Variants in EPS15L1 observed in about 807,000 individuals in gnomAD.
EPS15L1 encodes epidermal growth factor receptor substrate 15-like 1.
Under a neutral mutation model 117.1 loss-of-function variants are expected in EPS15L1, and 43 were observed. The ratio of observed to expected loss-of-function variants is 0.37; its 90% CI spans 0.29 to 0.47. EPS15L1 has a LOEUF of 0.47. Among genes scored for constraint, EPS15L1 ranks in the 20% least tolerant of loss-of-function variants. The probability of loss-of-function intolerance (pLI) is 0.99; values close to 1 mark genes in which losing one functional copy is unlikely to be tolerated. For missense variants in EPS15L1, 981 were observed against 1,164.0 expected, an observed-to-expected ratio of 0.84 and a Z score of 2.29; for synonymous variants, 459 against 470.5, an observed-to-expected ratio of 0.98 and a Z score of 0.32.
At chr19:16,449,187 T>C (rs966302073) in intron 1 of EPS15L1, among the ~76,000 whole-genome samples, 1 of 150,962 alleles carries the variant, frequency 6.6e-6, no homozygotes, top group Non-Finnish European at 1.5e-5. Flanking sequence ...AGCAGGAGGA[T>C]TGCTTGATCC....
At chr19:16,428,678 T>C in intron 8 of EPS15L1, 24 bp downstream of exon 8, 1 of 1,601,604 alleles carries the variant, frequency 6.2e-7, no homozygotes. Context: ...CTGGGCTGGG[T>C]GGGGAGGAAA....
chr19:16,367,369 A>G lies in EPS15L1; in HGVS notation c.2381-5385T>C, dbSNP rs71336715. On this transcript the variant is annotated intron_variant, in intron 22 of 23. Transcript: ENST00000455140. Reference sequence around the variant, plus strand: ...CAAGGGATACAAGACTGAAGAAAACACAAAATAGAACTTATTTTCAAACCA... The same window carrying G: ...CAAGGGATACAAGACTGAAGAAAACGCAAAATAGAACTTATTTTCAAACCA... Among the ~76,000 whole-genome samples the G allele has an allele frequency of 3.6e-4, 55 of 152,094 alleles. No individual in the cohort carries two copies. The South Asian group carries it at 3.9e-3, about 11-fold the overall frequency.
intron 10 of EPS15L1, 92 bp from the exon 11 acceptor site, chr19:16,418,196 G>A (rs1344555263): frequency 6.2e-6 from 9 of 1,448,840 alleles, no homozygotes; most frequent in Non-Finnish European, 8.4e-6. Flanking sequence ...AAAAACGACA[G>A]CGACGAAAAC....
At chr19:16,437,947 G>T in intron 4 of EPS15L1, 82 bp from the exon 5 acceptor site, 1 of 1,069,530 alleles carries the variant, frequency 9.3e-7, no homozygotes, top group Non-Finnish European at 1.4e-6. Flanking sequence ...GCAGGCTTCA[G>T]GGAAAGAGGA....
At chr19:16,362,331 A>T (rs759405493) in intron 22 of EPS15L1, among the ~76,000 whole-genome samples, 57 of 151,956 alleles carry the variant, frequency 3.8e-4, no homozygotes, top group Non-Finnish European at 6.5e-4. Flanking sequence ...ATACTAATTT[A>T]AAAAATCATG....
chr19:16,437,710 TAC>T (rs142410927), intron 5 of EPS15L1, 58 bp downstream of exon 5: 9,445 of 1,059,162 alleles, frequency 8.9e-3, no homozygotes, highest in Non-Finnish European at 0.01. Context: ...CACATGCACA[TAC>T]ACACACACAC....
intron 1 of EPS15L1, among the ~76,000 whole-genome samples, chr19:16,456,267 T>C (rs2093195330): frequency 6.6e-6 from 1 of 152,194 alleles, no homozygotes; most frequent in Non-Finnish European, 1.5e-5. Flanking sequence ...CTCCCTTCTT[T>C]GGACCTGGAA....
chr19:16,451,039 C>T (rs2093136608), intron 1 of EPS15L1, among the ~76,000 whole-genome samples: 1 of 152,236 alleles, frequency 6.6e-6, no homozygotes, highest in East Asian at 1.9e-4. Context: ...CAACCTCCGC[C>T]TCCCAGGTTC....
At chr19:16,392,146 A>C (rs929036938) in intron 19 of EPS15L1, among the ~76,000 whole-genome samples, 158 bp downstream of exon 19, 1 of 152,126 alleles carries the variant, frequency 6.6e-6, no homozygotes, top group Non-Finnish European at 1.5e-5. Context: ...CAGGAATGAA[A>C]TCAGCCTGGG....
In EPS15L1 at chr19:16,377,268, C is replaced by A. The variant is rs374708374; in HGVS notation, c.2248-14G>T. 15 of 1,608,244 alleles carry A rather than the reference C, an allele frequency of 9.3e-6. No homozygotes were observed. Among genetic ancestry groups the A allele is most frequent in the Non-Finnish European group, 1.1e-5 (13 of 1,178,432 alleles). ...AGAAGGTGGGGGCTGTAAGAGAGGA[C>A]ATGAAAGAGAGGCAAAAATAGTTGT... On this transcript the variant is annotated splice_polypyrimidine_tract_variant and intron_variant, in intron 21 of 23. Transcript: ENST00000455140.
At chr19:16,386,427 G>A (rs2092421534) in intron 19 of EPS15L1, among the ~76,000 whole-genome samples, 196 bp from the exon 20 acceptor site, 1 of 152,178 alleles carries the variant, frequency 6.6e-6, no homozygotes, top group Non-Finnish European at 1.5e-5. Flanking sequence ...TATCAACCTG[G>A]ACGGAATATC....
intron 1 of EPS15L1, among the ~76,000 whole-genome samples, chr19:16,457,819 T>C (rs1463383325): frequency 6.6e-6 from 1 of 151,800 alleles, no homozygotes; most frequent in Non-Finnish European, 1.5e-5. Context: ...CTCTGACCCA[T>C]GAGCGGTCTC....
chr19:16,439,074 G>GTTTTTTTTTTTTTTTTTTTT (rs755051356), intron 4 of EPS15L1, among the ~76,000 whole-genome samples: 1 of 115,322 alleles, frequency 8.7e-6, no homozygotes. Context: ...TTTTTTTTCT[G>GTTTTTTTTTTTTTTTTTTTT]TTTTTTTTTT....
intron 21 of EPS15L1, among the ~76,000 whole-genome samples, chr19:16,380,274 C>T (rs2092346502): frequency 6.6e-6 from 1 of 152,170 alleles, no homozygotes; most frequent in Non-Finnish European, 1.5e-5. Context: ...ATCTAAGGCT[C>T]CAGCATCTAG....
chr19:16,463,970 G>A (rs925973282), intron 1 of EPS15L1, among the ~76,000 whole-genome samples: 1 of 152,212 alleles, frequency 6.6e-6, no homozygotes, highest in South Asian at 2.1e-4. Context: ...ACAGAAAGAG[G>A]GGCCAGGGGG....
rs1437747225 is a variant in EPS15L1, at chr19:16,365,858, G to A, written c.2381-3874C>T. ...TGCCCCATGTCCCTGGTGCCCTCCAGCCCAGGGCTCGGCACACAGTGGGCT... is the reference window on the plus strand; with the variant it reads ...TGCCCCATGTCCCTGGTGCCCTCCAACCCAGGGCTCGGCACACAGTGGGCT... On this transcript the variant is annotated intron_variant, in intron 22 of 23. Coordinates refer to ENST00000455140, the MANE Select transcript of EPS15L1 (RefSeq NM_001258374.3). This position sits in a 1 kb window ranked among gnomAD's most constrained non-coding sequence, Gnocchi z 4.9. 1.3e-5 allele frequency among the ~76,000 whole-genome samples: 2 copies of A among 152,202 alleles called. No homozygotes were observed. The highest frequency in any genetic ancestry group is 2.9e-5 in the Non-Finnish European group (2 of 68,042).
At chr19:16,425,525 T>C (rs969652015) in intron 8 of EPS15L1, among the ~76,000 whole-genome samples, 3 of 152,222 alleles carry the variant, frequency 2.0e-5, no homozygotes, top group Admixed American at 2.0e-4. Flanking sequence ...TCCTCGAGAC[T>C]GAAATGCACA....
At chr19:16,374,753 CT>C (rs1277808125) in intron 22 of EPS15L1, among the ~76,000 whole-genome samples, 1 of 152,232 alleles carries the variant, frequency 6.6e-6, no homozygotes, top group African/African-American at 2.4e-5. Context: ...AAATACGGCA[CT>C]GCTCGGCAAG....
At chr19:16,422,973 G>A (rs1027373452) in intron 9 of EPS15L1, among the ~76,000 whole-genome samples, 14 of 150,636 alleles carry the variant, frequency 9.3e-5, no homozygotes, top group South Asian at 8.6e-4. Context: ...AAAAAAAAGG[G>A]GGGGGGGATT....
Sources: gnomAD v4.1 joint callset for allele counts (sites outside exome capture counted in the v4.1 genomes callset) on GRCh38, gnomAD v4.1.1 for gene constraint, Gnocchi (gnomAD v3.1) non-coding constraint, MANE v1.5 for transcripts, NCBI Gene and HGNC (gene_info 2026-07-23, HGNC 2026-07-21) for gene names.